SFXN4: variants seen among roughly 807,000 people sequenced by gnomAD.
The protein encoded by SFXN4 is sideroflexin 4, also known as sideroflexin-4.
SFXN4 carries 48 observed loss-of-function variants against 54.6 expected under a neutral mutation model. The observed-to-expected ratio is 0.88, with a 90% CI of 0.70 to 1.12. The LOEUF (loss-of-function observed/expected upper bound fraction) is 1.12, where lower values mean the gene tolerates loss of function less well. Ranked by LOEUF, SFXN4 falls within the 50% of genes most tolerant of loss-of-function variation. The probability of loss-of-function intolerance (pLI) is 0.00; values close to 1 mark genes in which losing one functional copy is unlikely to be tolerated. For missense variants in SFXN4, 383 were observed against 409.2 expected (o/e 0.94, Z 0.55); for synonymous variants, 130 against 145.5 (o/e 0.89, Z 0.77).
chr10:119,154,661 G>A (rs765940618), intron 11 of SFXN4, among the ~76,000 whole-genome samples: 16 of 152,000 alleles, frequency 1.1e-4, no homozygotes, highest in Non-Finnish European at 1.5e-4. Flanking sequence ...GTGAAACCCC[G>A]TCTCTATTAA....
In SFXN4 at chr10:119,141,109, G is replaced by C; in HGVS notation, c.*133C>G. On this transcript the variant is annotated 3_prime_UTR_variant, in exon 14 of 14. Coordinates refer to ENST00000355697, the MANE Select transcript of SFXN4 (RefSeq NM_213649.2). ...CCAGCCTGGGAACGATCTCAGTATG[G>C]AATCTGAAGTCGCCTTGTCAGCACA... The C allele has an allele frequency of 1.6e-6, 1 of 622,770 alleles. No individual in the cohort carries two copies. Among genetic ancestry groups the C allele is most frequent in the Non-Finnish European group, 2.9e-6 (1 of 347,700 alleles). 38.6% of individuals were successfully genotyped at this position (622,770 alleles called of 1,614,324 possible).
chr10:119,144,600 A>G (rs1039437498), intron 13 of SFXN4, among the ~76,000 whole-genome samples: 6 of 152,132 alleles, frequency 3.9e-5, no homozygotes, highest in African/African-American at 1.4e-4. Flanking sequence ...CTAAGCAACA[A>G]CCCTTTGCAG....
intron 4 of SFXN4, 27 bp from the exon 5 acceptor site, chr10:119,160,996 C>T: frequency 6.2e-7 from 1 of 1,614,108 alleles, no homozygotes; most frequent in Non-Finnish European, 8.5e-7. Flanking sequence ...GCAAGGTTAG[C>T]TGGATGTCTG....
chr10:119,159,719 C>T lies in SFXN4; in HGVS notation c.360+9G>A. 1 of 1,613,982 alleles carries T rather than the reference C, an allele frequency of 6.2e-7. No homozygotes were observed. The highest frequency in any genetic ancestry group is 8.5e-7 in the Non-Finnish European group (1 of 1,179,936). On this transcript the variant is annotated intron_variant, in intron 6 of 13. Transcript: ENST00000355697. ...CTAGTCTCCTAACGGCAAATGTCTG[C>T]TTGCTCACCGTGGGTGCCATGAAAG...
chr10:119,160,515 C>CAAA (rs200594750), intron 5 of SFXN4, among the ~76,000 whole-genome samples: 8 of 123,928 alleles, frequency 6.5e-5, no homozygotes, highest in Admixed American at 1.7e-4. Flanking sequence ...GACACTGTTT[C>CAAA]AAAAAAAAAA....
At chr10:119,163,233 CTT>C (rs35998023) in intron 2 of SFXN4, among the ~76,000 whole-genome samples, 45 of 146,592 alleles carry the variant, frequency 3.1e-4, no homozygotes, top group Non-Finnish European at 2.3e-4. Context: ...TTTCTTTCTT[CTT>C]TTTTTTTTTT....
At chr10:119,155,654 G>A (rs960994881) in intron 10 of SFXN4, among the ~76,000 whole-genome samples, 45 of 152,132 alleles carry the variant, frequency 3.0e-4, no homozygotes, top group African/African-American at 7.9e-4. Flanking sequence ...CACCACGCCC[G>A]GCTAATTTTT....
Position 119,157,917 on chromosome 10 carries a change from C to A in SFXN4, c.425G>T (p.Cys142Phe), listed in dbSNP as rs747448281. 1 of 1,614,128 alleles carries A rather than the reference C, an allele frequency of 6.2e-7. No homozygotes were observed. Among genetic ancestry groups the A allele is most frequent in the Non-Finnish European group, 8.5e-7 (1 of 1,180,058 alleles). Residue 142 changes from cysteine (C) to phenylalanine (F), a missense_variant, in exon 8 of 14, where the codon TGT (cysteine) becomes TTT (phenylalanine). Coordinates refer to ENST00000355697, the MANE Select transcript of SFXN4 (RefSeq NM_213649.2). Reference protein sequence around the residue: ...KSVILPQVFLCAYMAAFNSIN... With the variant: ...KSVILPQVFLFAYMAAFNSIN... ...GCTGTTGAACGCTGCCATGTAGGCA[C>A]AGAGGAAAACCTGCCGAGAGGGGCA... is the stretch of plus-strand genomic sequence containing the variant.
Position 119,161,121 on chromosome 10 carries a change from T to A in SFXN4, c.253-40A>T, listed in dbSNP as rs776496076. 1.0e-5 allele frequency: 16 copies of A among 1,601,148 alleles called. No homozygotes were observed. The Middle Eastern group carries it at 8.3e-4, about 83-fold the overall frequency. On this transcript the variant is annotated intron_variant, in intron 3 of 13. Coordinates refer to ENST00000355697, the MANE Select transcript of SFXN4 (RefSeq NM_213649.2). ...AAGAATAGCTTTGTTTCATTTTAAA[T>A]TTTTTTTAAGAGACAAGGTCTTGCT...
At chr10:119,146,468 T>TGCGCGC (rs1846813931) in intron 12 of SFXN4, 115 bp from the exon 13 acceptor site, 1 of 454,224 alleles carries the variant, frequency 2.2e-6, no homozygotes. Flanking sequence ...TGTGCACGTG[T>TGCGCGC]GTGTGTACCT....
intron 9 of SFXN4, 75 bp from the exon 10 acceptor site, chr10:119,156,831 TCG>T (rs1353001412): frequency 7.1e-6 from 8 of 1,122,900 alleles, no homozygotes; most frequent in African/African-American, 1.6e-5. Flanking sequence ...AGCAGAGAGG[TCG>T]CCCTGACCTA....
Position 119,141,114 on chromosome 10 carries a change from T to A in SFXN4, c.*128A>T, listed in dbSNP as rs567064806. The A allele has an allele frequency of 1.6e-6, 1 of 631,788 alleles. No homozygotes were observed. The highest frequency in any genetic ancestry group is 2.8e-5 in the East Asian group (1 of 35,648). The allele number at this position is 631,788 out of a possible 1,614,324, so 39.1% of individuals were successfully genotyped here. A position where few individuals can be genotyped will look rare whatever the true frequency, so the allele number is the denominator to read the frequency against. Reference sequence around the variant, plus strand: ...CTGGGAACGATCTCAGTATGGAATCTGAAGTCGCCTTGTCAGCACAGACAC... The same window carrying A: ...CTGGGAACGATCTCAGTATGGAATCAGAAGTCGCCTTGTCAGCACAGACAC... On this transcript the variant is annotated 3_prime_UTR_variant, in exon 14 of 14. Transcript: ENST00000355697.
At chr10:119,142,393 A>G (rs1156697160) in intron 13 of SFXN4, among the ~76,000 whole-genome samples, 1 of 152,044 alleles carries the variant, frequency 6.6e-6, no homozygotes, top group Non-Finnish European at 1.5e-5. Context: ...CCAAATGATA[A>G]AGACCTTATC....
At chr10:119,164,290 A>C in intron 1 of SFXN4, 94 bp from the exon 2 acceptor site, 1 of 652,414 alleles carries the variant, frequency 1.5e-6, no homozygotes. Flanking sequence ...TTTTCTGAGA[A>C]CCTGCCAGGG....
intron 11 of SFXN4, among the ~76,000 whole-genome samples, chr10:119,148,680 T>C (rs1400462084): frequency 1.3e-5 from 2 of 152,210 alleles, no homozygotes; most frequent in Non-Finnish European, 2.9e-5. Flanking sequence ...AAAAGTGTTA[T>C]ACTATAAAAT....
Position 119,160,007 on chromosome 10 carries a change from A to AC in SFXN4, c.335-255dup, listed in dbSNP as rs1355275791. ...GCCTCTATTTTGTAGAGGTAGCGAGACCCCCACCTCCATAAAAAATTTAAA... is the reference window on the plus strand; with the variant it reads ...GCCTCTATTTTGTAGAGGTAGCGAGACCCCCCACCTCCATAAAAAATTTAAA... On this transcript the variant is annotated intron_variant, in intron 5 of 13. Transcript: ENST00000355697. 4.6e-5 allele frequency among the ~76,000 whole-genome samples: 7 copies of AC among 151,220 alleles called. No individual in the cohort carries two copies. The East Asian group carries it at 1.4e-3, about 30-fold the overall frequency.
intron 10 of SFXN4, among the ~76,000 whole-genome samples, chr10:119,156,149 G>A (rs182860458): frequency 8.1e-4 from 124 of 152,266 alleles, no homozygotes; most frequent in African/African-American, 2.7e-3. Flanking sequence ...AGGGCCAGGC[G>A]CGGTGGCTCA....
intron 3 of SFXN4, 155 bp downstream of exon 3, chr10:119,162,185 C>T (rs2133628678): frequency 1.6e-6 from 1 of 639,594 alleles, no homozygotes; most frequent in East Asian, 2.7e-5. Context: ...ACAATGACAG[C>T]ATTAATAGCC....
At position 119,155,103 on chromosome 10, in the gene SFXN4, C is replaced by T. The variant is rs1847227737; in HGVS notation, c.691G>A (p.Glu231Lys). ...CTGGAATGACCCAGGACATTGCCTT[C>T]CTTGTCCATGACCGCAATCCCCTTA... The part of the protein sequence containing the change: ...SIKGIAVMDK[E>K]GNVLGHSRIA... The change falls in exon 11 of 14, where the codon GAA (glutamate) becomes AAA (lysine). Residue 231 changes from glutamate to lysine, a missense_variant. Glu to Lys is a moderately conservative substitution (Grantham distance 56, BLOSUM62 1). Transcript: ENST00000355697. 6.2e-7 allele frequency: 1 copy of T among 1,614,232 alleles called. No individual in the cohort carries two copies. Among genetic ancestry groups the T allele is most frequent in the East Asian group, 2.2e-5 (1 of 44,890 alleles).
Sources: gnomAD v4.1 joint callset for allele counts (sites outside exome capture counted in the v4.1 genomes callset) on GRCh38, gnomAD v4.1.1 for gene constraint, MANE v1.5 for transcripts, NCBI Gene and HGNC (gene_info 2026-07-23, HGNC 2026-07-21) for gene names.